Variants in NEGR1 observed in about 807,000 individuals in gnomAD.
The protein encoded by NEGR1 is IgLON family member 4.
NEGR1 carries 10 observed loss-of-function variants against 40.9 expected under a neutral mutation model. That is an observed-to-expected ratio of 0.24 (90% CI 0.15 to 0.42). The LOEUF (loss-of-function observed/expected upper bound fraction) is 0.42. NEGR1 is among the 10% of genes least tolerant of loss of function. The probability of loss-of-function intolerance (pLI) is 1.00; values close to 1 mark genes in which losing one functional copy is unlikely to be tolerated. For synonymous variants in NEGR1, 185 were observed against 166.8 expected (o/e 1.11, Z -0.84); for missense variants, 352 against 438.9 (o/e 0.80, Z 1.77).
chr1:71,816,583 A>T (rs1658223138), intron 2 of NEGR1, among the ~76,000 whole-genome samples: 1 of 152,008 alleles, frequency 6.6e-6, no homozygotes, highest in South Asian at 2.1e-4. Context: ...TGATAAATAC[A>T]CACCCCCAAG....
rs139286510 is a variant in NEGR1, at chr1:72,248,830, G to A, written c.176+33489C>T. ...ACTTCTGACCTCAGGTGATCCACCC[G>A]CCTTGACCTCCCAAAGTGCTGGGAT... On this transcript the variant is annotated intron_variant, in intron 1 of 6. Coordinates refer to ENST00000357731, the MANE Select transcript of NEGR1 (RefSeq NM_173808.3). Among the ~76,000 whole-genome samples the A allele has an allele frequency of 5.9e-5, 9 of 151,484 alleles. No individual in the cohort carries two copies. In the East Asian group the frequency reaches 1.4e-3, roughly 23 times the overall value.
intron 2 of NEGR1, among the ~76,000 whole-genome samples, chr1:71,783,433 C>T (rs1656790172): frequency 6.6e-6 from 1 of 152,070 alleles, no homozygotes; most frequent in Non-Finnish European, 1.5e-5. Flanking sequence ...TCATGGTCTG[C>T]ATCTCACCAG....
At chr1:72,198,824 TTAAAA>T (rs1268210365) in intron 1 of NEGR1, among the ~76,000 whole-genome samples, 5 of 152,000 alleles carry the variant, frequency 3.3e-5, no homozygotes, top group African/African-American at 9.7e-5. Context: ...AATATTTATC[TTAAAA>T]TAAGTTTTCC....
chr1:72,269,881 T>C (rs192514508), intron 1 of NEGR1, among the ~76,000 whole-genome samples: 77 of 151,880 alleles, frequency 5.1e-4, no homozygotes, highest in African/African-American at 1.8e-3. Flanking sequence ...AAATATGTAA[T>C]CTCATTTAAA....
intron 4 of NEGR1, among the ~76,000 whole-genome samples, chr1:71,642,195 A>T (rs575114582): frequency 1.3e-5 from 2 of 152,020 alleles, no homozygotes; most frequent in Admixed American, 6.6e-5. Context: ...TCACTGCCAA[A>T]CTCTCAGCTG....
chr1:71,568,850 G>T (rs112655336), intron 6 of NEGR1, among the ~76,000 whole-genome samples: 2,189 of 151,098 alleles, frequency 0.014, 52 homozygotes, highest in African/African-American at 0.051. Flanking sequence ...GTGTGTGTGT[G>T]TGTGTGTGTG....
chr1:71,464,335 T>C (rs1253282071), intron 6 of NEGR1, among the ~76,000 whole-genome samples: 1 of 152,096 alleles, frequency 6.6e-6, no homozygotes, highest in African/African-American at 2.4e-5. Flanking sequence ...TGGCTTTTAG[T>C]TGTCATTAGT....
chr1:72,089,778 C>A (rs1648387964), intron 1 of NEGR1, among the ~76,000 whole-genome samples: 1 of 151,988 alleles, frequency 6.6e-6, no homozygotes. Flanking sequence ...TCTTGCCTTG[C>A]AGACAAAAGA....
chr1:71,763,852 CATT>C (rs942140517), intron 3 of NEGR1, among the ~76,000 whole-genome samples: 2 of 151,998 alleles, frequency 1.3e-5, no homozygotes, highest in Non-Finnish European at 2.9e-5. Flanking sequence ...GTGAATACCT[CATT>C]ATCTCCATCC....
intron 2 of NEGR1, among the ~76,000 whole-genome samples, chr1:71,816,958 A>G (rs1658244823): frequency 6.6e-6 from 1 of 151,920 alleles, no homozygotes; most frequent in Non-Finnish European, 1.5e-5. Context: ...TAGAAAAAAA[A>G]AAATGACAAA....
At chr1:71,899,364 A>G (rs1661085027) in intron 2 of NEGR1, among the ~76,000 whole-genome samples, 1 of 152,022 alleles carries the variant, frequency 6.6e-6, no homozygotes, top group Admixed American at 6.6e-5. Context: ...GTGAGTAGGA[A>G]GATGCAGATG....
intron 2 of NEGR1, among the ~76,000 whole-genome samples, chr1:71,821,687 G>GA (rs1454368596): frequency 7.9e-5 from 12 of 151,910 alleles, no homozygotes; most frequent in Admixed American, 1.3e-4. Context: ...AAGTCCTAGT[G>GA]AAAAAATCAC....
chr1:72,248,008 T>G (rs1053051785), intron 1 of NEGR1, among the ~76,000 whole-genome samples: 7 of 151,974 alleles, frequency 4.6e-5, no homozygotes, highest in Non-Finnish European at 1.0e-4. Flanking sequence ...AGAGTGTGCG[T>G]CGGCAGGGAG....
intron 2 of NEGR1, among the ~76,000 whole-genome samples, chr1:71,845,455 T>A (rs1659373037): frequency 6.6e-6 from 1 of 152,134 alleles, no homozygotes; most frequent in Admixed American, 6.5e-5. Context: ...ACTTTTGTTC[T>A]CAGGGGAAAT....
chr1:71,565,722 A>G (rs1648597770), intron 6 of NEGR1, among the ~76,000 whole-genome samples: 1 of 152,202 alleles, frequency 6.6e-6, no homozygotes, highest in Non-Finnish European at 1.5e-5. Context: ...GAGATAAGAT[A>G]TTGAAAAGCA....
At chr1:72,091,709 T>C (rs1169275870) in intron 1 of NEGR1, among the ~76,000 whole-genome samples, 1 of 152,140 alleles carries the variant, frequency 6.6e-6, no homozygotes, top group African/African-American at 2.4e-5. Flanking sequence ...TAAAGAATAA[T>C]GAAACCTAAG....
chr1:72,132,136 T>C (rs1423577117), intron 1 of NEGR1, among the ~76,000 whole-genome samples: 1 of 152,176 alleles, frequency 6.6e-6, no homozygotes, highest in African/African-American at 2.4e-5. Context: ...TTTAAAAATG[T>C]ATTTTATTCC....
intron 1 of NEGR1, among the ~76,000 whole-genome samples, chr1:72,209,480 A>G (rs1374654685): frequency 6.6e-6 from 1 of 151,700 alleles, no homozygotes; most frequent in Non-Finnish European, 1.5e-5. Context: ...GTCCCATATC[A>G]TGGAAATACC....
intron 1 of NEGR1, among the ~76,000 whole-genome samples, chr1:71,961,873 G>A (rs1646167964): frequency 6.6e-6 from 1 of 152,032 alleles, no homozygotes; most frequent in Admixed American, 6.6e-5. Context: ...CTAGTTATAT[G>A]AGTTGAGAAA....
Sources: allele counts gnomAD v4.1 joint callset (sites outside exome capture counted in the v4.1 genomes callset), GRCh38; gene constraint gnomAD v4.1.1; transcripts MANE v1.5; gene names NCBI Gene and HGNC (gene_info 2026-07-23, HGNC 2026-07-21).